The following SPOCK3 variants were observed in gnomAD, a reference collection of about 807,000 sequenced individuals.
SPOCK3 encodes the protein SPARC (osteonectin), cwcv and kazal like domains proteoglycan 3.
In SPOCK3, 30 loss-of-function variants were observed where a neutral mutation model predicts 56.6. The ratio of observed to expected loss-of-function variants is 0.53; its 90% CI spans 0.40 to 0.72. The LOEUF (loss-of-function observed/expected upper bound fraction) is 0.72. Among genes scored for constraint, SPOCK3 ranks in the 30% least tolerant of loss-of-function variants. The pLI is 0.00. For missense variants in SPOCK3, 527 were observed against 530.0 expected (o/e 0.99, Z 0.06); for synonymous variants, 196 against 183.3 (o/e 1.07, Z -0.56).
At chr4:166,779,866 A>C (rs1302343440) in intron 7 of SPOCK3, among the ~76,000 whole-genome samples, 1 of 152,198 alleles carries the variant, frequency 6.6e-6, no homozygotes, top group African/African-American at 2.4e-5. Context: ...CAGGAAGAAT[A>C]TGACACATAG....
At chr4:166,867,769 A>G (rs1299347071) in intron 6 of SPOCK3, among the ~76,000 whole-genome samples, 2 of 151,752 alleles carry the variant, frequency 1.3e-5, no homozygotes, top group Non-Finnish European at 2.9e-5. Flanking sequence ...TAAAAGTATT[A>G]TGATGTTTTT....
At chr4:167,204,275 A>C (rs1295219914) in intron 2 of SPOCK3, among the ~76,000 whole-genome samples, 1 of 152,076 alleles carries the variant, frequency 6.6e-6, no homozygotes, top group African/African-American at 2.4e-5. Flanking sequence ...CAAAACAACA[A>C]AGAAAAAACT....
At chr4:167,153,003 TATTG>T (rs1384337370) in intron 2 of SPOCK3, among the ~76,000 whole-genome samples, 1 of 152,230 alleles carries the variant, frequency 6.6e-6, no homozygotes, top group Non-Finnish European at 1.5e-5. Flanking sequence ...ATCTATCATT[TATTG>T]ATTAATAATA....
chr4:166,765,521 G>T (rs1285176921), intron 7 of SPOCK3, among the ~76,000 whole-genome samples: 1 of 152,004 alleles, frequency 6.6e-6, no homozygotes, highest in African/African-American at 2.4e-5. Context: ...ATTTCTGAGG[G>T]CTCTGTTCTG....
chr4:166,842,216 A>C (rs1458250944), intron 6 of SPOCK3, among the ~76,000 whole-genome samples: 10 of 152,344 alleles, frequency 6.6e-5, no homozygotes, highest in East Asian at 5.8e-4. Flanking sequence ...CAAAGCTTCC[A>C]CGGTGAGGAA....
chr4:167,194,697 C>T (rs968496440), intron 2 of SPOCK3, among the ~76,000 whole-genome samples: 9 of 152,170 alleles, frequency 5.9e-5, no homozygotes, highest in Non-Finnish European at 1.3e-4. Context: ...ATATCAGGTC[C>T]CTGGCTGGCA....
At position 167,223,084 on chromosome 4, in the gene SPOCK3, GAATATATATTTTATATATGAATATAT is replaced by G. The variant is rs1561341936; in HGVS notation, c.189+10875_189+10900del. Among the ~76,000 whole-genome samples the G allele has an allele frequency of 4.9e-4, 46 of 94,134 alleles. 1 individual carries two copies. Among genetic ancestry groups the G allele is most frequent in the East Asian group, 8.5e-4 (3 of 3,536 alleles). 61.8% of individuals were successfully genotyped at this position (94,134 alleles called of 152,430 possible). On this transcript the variant is annotated intron_variant, in intron 2 of 10. Coordinates refer to ENST00000357545, the MANE Select transcript of SPOCK3 (RefSeq NM_001040159.2). Reference sequence around the variant, plus strand: ...ATATATGAATATATATTTTATATATGAATATATATTTTATATATGAATATATAATATATATTTTATATATGAATATA... The same window carrying G: ...ATATATGAATATATATTTTATATATGAATATATATTTTATATATGAATATA...
chr4:167,073,488 CT>C (rs2150272229), intron 2 of SPOCK3, among the ~76,000 whole-genome samples: 1 of 151,746 alleles, frequency 6.6e-6, no homozygotes, highest in South Asian at 2.1e-4. Flanking sequence ...TATTTCTGTG[CT>C]TTTTTTCCCC....
chr4:167,125,639 C>T (rs1422268151), intron 2 of SPOCK3, among the ~76,000 whole-genome samples: 2 of 152,082 alleles, frequency 1.3e-5, no homozygotes, highest in Non-Finnish European at 2.9e-5. Context: ...GGCGTGAACC[C>T]GGGAGGCGGA....
chr4:167,066,353 G>C (rs1427626), intron 2 of SPOCK3, among the ~76,000 whole-genome samples: 1 of 151,428 alleles, frequency 6.6e-6, no homozygotes, highest in Non-Finnish European at 1.5e-5. Context: ...TACCGGTGGG[G>C]ATACTACTAC....
chr4:167,063,630 A>G (rs765381239), intron 2 of SPOCK3, among the ~76,000 whole-genome samples: 2 of 151,922 alleles, frequency 1.3e-5, no homozygotes, highest in Non-Finnish European at 2.9e-5. Flanking sequence ...TCACCTGAAT[A>G]GCGTACATTG....
intron 4 of SPOCK3, among the ~76,000 whole-genome samples, chr4:166,999,412 C>T (rs1748727907): frequency 1.3e-5 from 2 of 152,040 alleles, no homozygotes; most frequent in South Asian, 2.1e-4. Flanking sequence ...CCTAGAAATG[C>T]TATTTATGTT....
At chr4:166,767,673 G>T (rs1233435045) in intron 7 of SPOCK3, among the ~76,000 whole-genome samples, 2 of 152,182 alleles carry the variant, frequency 1.3e-5, no homozygotes, top group Non-Finnish European at 2.9e-5. Context: ...CTGTTGATTT[G>T]GGGTGAAGAG....
chr4:166,949,708 C>T (rs56400132), intron 4 of SPOCK3, among the ~76,000 whole-genome samples: 3,612 of 152,174 alleles, frequency 0.024, 136 homozygotes, highest in African/African-American at 0.081. Context: ...GAAGTTTCGT[C>T]TCAGAGGAGT....
chr4:167,191,028 C>T (rs1421752838), intron 2 of SPOCK3, among the ~76,000 whole-genome samples: 2 of 145,550 alleles, frequency 1.4e-5, no homozygotes. Flanking sequence ...TATAGCTTTG[C>T]TTTGTAGTAT....
At chr4:167,090,825 T>A (rs1195495786) in intron 2 of SPOCK3, among the ~76,000 whole-genome samples, 1 of 152,050 alleles carries the variant, frequency 6.6e-6, no homozygotes, top group Non-Finnish European at 1.5e-5. Context: ...TTGAAAACTA[T>A]TTTACTAACC....
intron 6 of SPOCK3, among the ~76,000 whole-genome samples, chr4:166,845,083 T>C (rs1409608572): frequency 6.6e-6 from 1 of 152,250 alleles, no homozygotes; most frequent in African/African-American, 2.4e-5. Context: ...TAATCTAAAA[T>C]AATTATGTTA....
Position 167,192,777 on chromosome 4 carries a change from G to A in SPOCK3, c.189+41208C>T, listed in dbSNP as rs560237212. On this transcript the variant is annotated intron_variant, in intron 2 of 10. Coordinates refer to ENST00000357545, the MANE Select transcript of SPOCK3 (RefSeq NM_001040159.2). ...CTTTGAACTTATTCTGCTGCCTCCC[G>A]TAACTTTTGATACGTTGTGTTTCAA... Among the ~76,000 whole-genome samples the A allele has an allele frequency of 1.2e-3, 179 of 145,238 alleles. 24 individuals carry two copies. Among genetic ancestry groups the A allele is most frequent in the African/African-American group, 4.0e-3 (153 of 38,062 alleles).
At chr4:167,002,892 G>T (rs1489924905) in intron 3 of SPOCK3, among the ~76,000 whole-genome samples, 1 of 152,014 alleles carries the variant, frequency 6.6e-6, no homozygotes, top group Non-Finnish European at 1.5e-5. Context: ...AAACAATTCT[G>T]CCTAACAATT....
Sources: allele counts gnomAD v4.1 joint callset (sites outside exome capture counted in the v4.1 genomes callset), GRCh38; gene constraint gnomAD v4.1.1; transcripts MANE v1.5; gene names NCBI Gene and HGNC (gene_info 2026-07-23, HGNC 2026-07-21).